The following ATP6V0A1 variants were observed in gnomAD, a reference collection of about 807,000 sequenced individuals.
ATP6V0A1 encodes ATPase H+ transporting V0 subunit a1.
ATP6V0A1 carries 43 observed loss-of-function variants against 105.4 expected under a neutral mutation model. That is an observed-to-expected ratio of 0.41 (90% CI 0.32 to 0.53). The LOEUF (loss-of-function observed/expected upper bound fraction) is 0.53, where lower values mean the gene tolerates loss of function less well. ATP6V0A1 is among the 20% of genes least tolerant of loss of function. The pLI is 0.30. For synonymous variants in ATP6V0A1, 362 were observed against 372.8 expected (o/e 0.97, Z 0.33); for missense variants, 676 against 1,051.1 (o/e 0.64, Z 4.93).
intron 11 of ATP6V0A1, 95 bp from the exon 12 acceptor site, chr17:42,494,239 A>G (rs754798607): frequency 7.6e-7 from 1 of 1,324,384 alleles, no homozygotes; most frequent in Non-Finnish European, 1.0e-6. Context: ...ATCTCAAAAA[A>G]AAAAAGGGGG....
In ATP6V0A1 at chr17:42,521,268, C is replaced by G. The variant is rs1166758402; in HGVS notation, c.*148C>G. ...TGAGTCATTTAGATAGAATAGTCCT[C>G]CTTGGGTCTCCCACCACCCCTAGCT... On this transcript the variant is annotated 3_prime_UTR_variant, in exon 22 of 22. Transcript: ENST00000343619. The surrounding 1 kb of genome is among the most constrained non-coding windows in gnomAD (Gnocchi z 4.8). 3.4e-6 allele frequency: 2 copies of G among 596,754 alleles called. No homozygotes were observed. Among genetic ancestry groups the G allele is most frequent in the Non-Finnish European group, 5.5e-6 (2 of 364,744 alleles). The allele number at this position is 596,754 out of a possible 1,614,324, so 37.0% of individuals were successfully genotyped here.
At chr17:42,466,349 C>T in intron 2 of ATP6V0A1, 80 bp from the exon 3 acceptor site, 1 of 1,278,450 alleles carries the variant, frequency 7.8e-7, no homozygotes. Flanking sequence ...TAGTTTTTCG[C>T]TTTGCAGAAT....
At chr17:42,517,385 TGA>T (rs1196320656) in intron 21 of ATP6V0A1, among the ~76,000 whole-genome samples, 2 of 151,854 alleles carry the variant, frequency 1.3e-5, no homozygotes, top group Non-Finnish European at 2.9e-5. Context: ...CTGTCTAGAG[TGA>T]GAGAAGACCC....
intron 19 of ATP6V0A1, among the ~76,000 whole-genome samples, chr17:42,511,985 G>A (rs1474800283): frequency 1.3e-5 from 2 of 152,164 alleles, no homozygotes; most frequent in African/African-American, 2.4e-5. Context: ...ACAACTGGGA[G>A]GTTAGGGTGA....
intron 1 of ATP6V0A1, 139 bp from the exon 2 acceptor site, chr17:42,460,709 T>C: frequency 1.9e-6 from 1 of 530,186 alleles, no homozygotes; most frequent in Admixed American, 3.1e-5. Context: ...TCCATCTTTC[T>C]AGACAGGGTG....
chr17:42,493,570 A>C (rs2146015629), intron 11 of ATP6V0A1, among the ~76,000 whole-genome samples: 1 of 152,350 alleles, frequency 6.6e-6, no homozygotes, highest in Admixed American at 6.5e-5. Flanking sequence ...CTGAGGTGGG[A>C]GGATTGCTCA....
intron 17 of ATP6V0A1, among the ~76,000 whole-genome samples, chr17:42,505,754 A>G (rs1349080779): frequency 6.6e-6 from 1 of 151,232 alleles, no homozygotes; most frequent in African/African-American, 2.4e-5. Flanking sequence ...GCTATCACAA[A>G]CAGCAATTCA....
In ATP6V0A1 at chr17:42,473,272, C is replaced by T. The variant is rs371515344; in HGVS notation, c.423+3054C>T. ...GTTTAAGGTCTTTTGCAATAGGCAT[C>T]GCCACTTAAGCTGTATGTTTTTAAT... On this transcript the variant is annotated intron_variant, in intron 5 of 21. Transcript: ENST00000343619. Among the ~76,000 whole-genome samples, 13 of 152,244 alleles carry T rather than the reference C, an allele frequency of 8.5e-5. No individual in the cohort carries two copies. The South Asian group carries it at 1.0e-3, about 12-fold the overall frequency.
chr17:42,501,307 A>G lies in ATP6V0A1; in HGVS notation c.2004+3A>G. The G allele has an allele frequency of 6.2e-7, 1 of 1,610,160 alleles. No homozygotes were observed. The highest frequency in any genetic ancestry group is 1.3e-5 in the African/African-American group (1 of 74,970). On this transcript the variant is annotated splice_donor_region_variant and intron_variant, in intron 17 of 21. Coordinates refer to ENST00000343619, the MANE Select transcript of ATP6V0A1 (RefSeq NM_001130021.3). ...AGTATTTGAGGAGAAAGCATTTGGT[A>G]GGTGTATTTCTATTGCTAAAAGTTA...
intron 19 of ATP6V0A1, among the ~76,000 whole-genome samples, chr17:42,509,014 T>C (rs2092201006): frequency 6.6e-6 from 1 of 151,716 alleles, no homozygotes; most frequent in South Asian, 2.1e-4. Flanking sequence ...GAGCAAACCT[T>C]ACCCTTCCTC....
At chr17:42,492,046 C>T (rs67275416) in intron 11 of ATP6V0A1, among the ~76,000 whole-genome samples, 10,802 of 152,226 alleles carry the variant, frequency 0.071, 423 homozygotes, top group East Asian at 0.15. Flanking sequence ...CATGTTGACA[C>T]CTCAGATCTT....
chr17:42,484,628 G>A (rs1020902525), intron 9 of ATP6V0A1, among the ~76,000 whole-genome samples: 10 of 152,162 alleles, frequency 6.6e-5, no homozygotes, highest in Admixed American at 5.2e-4. Context: ...TGCACACCAC[G>A]GTTATCACAG....
chr17:42,506,547 G>C (rs989037818), intron 17 of ATP6V0A1, among the ~76,000 whole-genome samples: 4 of 152,274 alleles, frequency 2.6e-5, no homozygotes, highest in Non-Finnish European at 2.9e-5. Context: ...AGGCCAGGTT[G>C]CAGGAGAGCT....
intron 19 of ATP6V0A1, 147 bp downstream of exon 19, chr17:42,508,736 G>A (rs1475674105): frequency 1.6e-5 from 18 of 1,097,292 alleles, no homozygotes; most frequent in South Asian, 7.2e-5. Flanking sequence ...AAACCAGTTC[G>A]TGAGCCTGTG....
At chr17:42,508,715 C>T in intron 19 of ATP6V0A1, 126 bp downstream of exon 19, 3 of 1,317,846 alleles carry the variant, frequency 2.3e-6, no homozygotes, top group Non-Finnish European at 2.2e-6. Context: ...CTGCATCTCA[C>T]TGGCCATTTC....
intron 8 of ATP6V0A1, chr17:42,481,028 T>A (rs1246321824): frequency 2.6e-5 from 6 of 228,420 alleles, no homozygotes. Context: ...CTCAGGGGAT[T>A]CTCCTGCCTC....
At chr17:42,516,126 A>T (rs1169923390) in intron 21 of ATP6V0A1, among the ~76,000 whole-genome samples, 4 of 152,122 alleles carry the variant, frequency 2.6e-5, no homozygotes, top group Non-Finnish European at 5.9e-5. Flanking sequence ...GGTGTTCATG[A>T]TCTCAAGGCC....
intron 6 of ATP6V0A1, 126 bp downstream of exon 6, chr17:42,477,868 T>G (rs1357905687): frequency 8.1e-6 from 6 of 743,932 alleles, no homozygotes; most frequent in Non-Finnish European, 1.3e-5. Context: ...ATTGAGATAG[T>G]CCTACAACTC....
chr17:42,514,432 G>T lies in ATP6V0A1; in HGVS notation c.2392G>T (p.Ala798Ser). 6.2e-7 allele frequency: 1 copy of T among 1,609,844 alleles called. No homozygotes were observed. Among genetic ancestry groups the T allele is most frequent in the South Asian group, 1.1e-5 (1 of 90,282 alleles). ...AILLIMEGLS[A>S]FLHALRLHWV... ...CCTCCTGATCATGGAGGGCCTCTCGGCCTTTCTCCACGCACTGCGCTTACA... is the reference window on the plus strand; with the variant it reads ...CCTCCTGATCATGGAGGGCCTCTCGTCCTTTCTCCACGCACTGCGCTTACA... The change falls in exon 21 of 22, where the codon GCC (alanine) becomes TCC (serine). Residue 798 changes from alanine (A) to serine (S), a missense_variant. This residue lies in a region of ATP6V0A1 where 435 missense variants were observed against 642.2 expected (regional missense o/e 0.68). Coordinates refer to ENST00000343619, the MANE Select transcript of ATP6V0A1 (RefSeq NM_001130021.3).
Sources: gnomAD v4.1 joint callset for allele counts (sites outside exome capture counted in the v4.1 genomes callset) on GRCh38, gnomAD v4.1.1 for gene constraint, gnomAD v4.1.1 regional missense constraint, Gnocchi (gnomAD v3.1) non-coding constraint, MANE v1.5 for transcripts, NCBI Gene and HGNC (gene_info 2026-07-23, HGNC 2026-07-21) for gene names.